ADARB2: variants seen among roughly 807,000 people sequenced by gnomAD.
ADARB2 encodes adenosine deaminase RNA specific B2 (inactive).
ADARB2 carries 25 observed loss-of-function variants against 62.2 expected under a neutral mutation model. That is an observed-to-expected ratio of 0.40 (90% CI 0.29 to 0.56). The LOEUF is 0.56. Ranked by LOEUF, ADARB2 falls within the 20% of genes least tolerant of loss-of-function variation. The pLI, the probability that ADARB2 is intolerant of heterozygous loss-of-function variation, is 0.43. For synonymous variants in ADARB2, 572 were observed against 500.8 expected (o/e 1.14, Z -1.90); for missense variants, 1,071 against 1,077.4 (o/e 0.99, Z 0.08).
intron 3 of ADARB2, among the ~76,000 whole-genome samples, chr10:1,358,421 G>C (rs543805591): frequency 6.6e-6 from 1 of 152,282 alleles, no homozygotes; most frequent in South Asian, 2.1e-4. Context: ...TTCTCCCAGG[G>C]ACTTCACAGA....
At chr10:1,507,754 G>T (rs1361370034) in intron 1 of ADARB2, among the ~76,000 whole-genome samples, 1 of 152,162 alleles carries the variant, frequency 6.6e-6, no homozygotes, top group African/African-American at 2.4e-5. Context: ...CCAGATAGCG[G>T]GTGTACAGTG....
At position 1,233,789 on chromosome 10, in the gene ADARB2, T is replaced by C. The variant is rs147477539; in HGVS notation, c.1418A>G (p.Tyr473Cys). The change falls in exon 6 of 10, where the codon TAC (tyrosine) becomes TGC (cysteine). Residue 473 changes from tyrosine (Y) to cysteine (C), a missense_variant. Coordinates refer to ENST00000381312, the MANE Select transcript of ADARB2 (RefSeq NM_018702.4). ...GAAGAGGATGTTCTCTCGCAGCCGG[T>C]AGCCACCTTCTTTTAACCGCACGAA... ...SIFVRLKEGGYRLRENILFHL... is the reference protein window; with the variant it reads ...SIFVRLKEGGCRLRENILFHL... The C allele has an allele frequency of 6.2e-7, 1 of 1,613,998 alleles. No homozygotes were observed. Among genetic ancestry groups the C allele is most frequent in the Non-Finnish European group, 8.5e-7 (1 of 1,179,988 alleles).
At chr10:1,636,097 C>T (rs772596043) in intron 1 of ADARB2, among the ~76,000 whole-genome samples, 2 of 152,084 alleles carry the variant, frequency 1.3e-5, no homozygotes, top group Non-Finnish European at 2.9e-5. Context: ...GACTTTATAC[C>T]GGGAACTGGT....
intron 1 of ADARB2, among the ~76,000 whole-genome samples, chr10:1,489,834 T>C (rs1831597776): frequency 8.2e-6 from 1 of 121,684 alleles, no homozygotes; most frequent in Non-Finnish European, 1.8e-5. Context: ...GATCAAACAC[T>C]CTTGGGTGTC....
chr10:1,473,873 G>C (rs1407831817), intron 1 of ADARB2, among the ~76,000 whole-genome samples: 1 of 152,254 alleles, frequency 6.6e-6, no homozygotes, highest in Non-Finnish European at 1.5e-5. Context: ...ACAAACCTTT[G>C]TGGTGGGGAC....
intron 1 of ADARB2, among the ~76,000 whole-genome samples, chr10:1,626,364 G>C (rs60950370): frequency 9.2e-6 from 1 of 108,720 alleles, no homozygotes; most frequent in Non-Finnish European, 1.9e-5. Flanking sequence ...ACTGGACCTC[G>C]GATGCTAACC....
intron 3 of ADARB2, among the ~76,000 whole-genome samples, chr10:1,336,453 A>G (rs1467066979): frequency 6.6e-6 from 1 of 152,218 alleles, no homozygotes; most frequent in Non-Finnish European, 1.5e-5. Flanking sequence ...CTTCTGAAGC[A>G]TCATGGGAAA....
rs375129702 is a variant in ADARB2 at position 1,234,656 on chromosome 10, G to A, written c.1362-811C>T. ...AGGGTCTTGCTTTGTTGCCCCGAGT[G>A]GTCTGGAACTTCTGAGCTCAAGCGA... On this transcript the variant is annotated intron_variant, in intron 5 of 9. Transcript: ENST00000381312. 1.6e-3 allele frequency among the ~76,000 whole-genome samples: 236 copies of A among 149,824 alleles called. 3 individuals are homozygous for A. The South Asian group carries it at 0.018, about 12-fold the overall frequency.
chr10:1,250,665 G>A (rs1355928269), intron 4 of ADARB2, among the ~76,000 whole-genome samples: 3 of 152,156 alleles, frequency 2.0e-5, no homozygotes, highest in Non-Finnish European at 1.5e-5. Context: ...GCAGAAGCAT[G>A]AGCTAGATAA....
At chr10:1,266,167 A>G (rs571506955) in intron 4 of ADARB2, among the ~76,000 whole-genome samples, 3 of 152,232 alleles carry the variant, frequency 2.0e-5, no homozygotes, top group Admixed American at 6.5e-5. Context: ...CTCTGAGAAG[A>G]TGGCGTGTGG....
intron 5 of ADARB2, among the ~76,000 whole-genome samples, chr10:1,239,865 T>C (rs111164678): frequency 3.7e-3 from 42 of 11,308 alleles, no homozygotes; most frequent in Admixed American, 5.0e-3. Context: ...TTTACTCCCC[T>C]CTCCCTCCCG....
intron 3 of ADARB2, among the ~76,000 whole-genome samples, chr10:1,284,272 CTGTG>C (rs1219257783): frequency 6.6e-6 from 1 of 152,096 alleles, no homozygotes; most frequent in Non-Finnish European, 1.5e-5. Context: ...GGGTCTGCAG[CTGTG>C]TGAGGGGCCA....
At chr10:1,600,880 G>C (rs1218566317) in intron 1 of ADARB2, among the ~76,000 whole-genome samples, 1 of 152,112 alleles carries the variant, frequency 6.6e-6, no homozygotes, top group East Asian at 1.9e-4. Flanking sequence ...AGGTGCATGT[G>C]AAAATGGCAT....
At chr10:1,389,604 G>T (rs1052470949) in intron 1 of ADARB2, among the ~76,000 whole-genome samples, 2 of 151,996 alleles carry the variant, frequency 1.3e-5, no homozygotes, top group East Asian at 3.9e-4. Flanking sequence ...TTAGCTGGGT[G>T]TGGTGGTGGG....
chr10:1,385,361 G>A (rs1236462676), intron 1 of ADARB2, among the ~76,000 whole-genome samples: 1 of 152,136 alleles, frequency 6.6e-6, no homozygotes, highest in African/African-American at 2.4e-5. Context: ...ACATTAAATA[G>A]ATGTTAGAAA....
chr10:1,497,789 C>A (rs74121013), intron 1 of ADARB2, among the ~76,000 whole-genome samples: 2,332 of 152,192 alleles, frequency 0.015, 53 homozygotes, highest in African/African-American at 0.052. Flanking sequence ...CCTGAGATAT[C>A]TGCAGAAGTA....
chr10:1,389,640 G>C (rs889717893), intron 1 of ADARB2, among the ~76,000 whole-genome samples: 7 of 152,076 alleles, frequency 4.6e-5, no homozygotes, highest in African/African-American at 1.7e-4. Context: ...CTACTTGGGA[G>C]GCTAAGGTTC....
chr10:1,480,011 A>G (rs1444446960), intron 1 of ADARB2, among the ~76,000 whole-genome samples: 3 of 152,178 alleles, frequency 2.0e-5, no homozygotes, highest in Non-Finnish European at 4.4e-5. Context: ...AAAACTCAAC[A>G]AACTGGAAAT....
At chr10:1,510,973 C>T (rs1303297137) in intron 1 of ADARB2, among the ~76,000 whole-genome samples, 1 of 152,216 alleles carries the variant, frequency 6.6e-6, no homozygotes, top group Non-Finnish European at 1.5e-5. Flanking sequence ...CCACCTCAGC[C>T]TCCTGAGTAG....
Sources: allele counts gnomAD v4.1 joint callset (sites outside exome capture counted in the v4.1 genomes callset), GRCh38; gene constraint gnomAD v4.1.1; transcripts MANE v1.5; gene names NCBI Gene and HGNC (gene_info 2026-07-23, HGNC 2026-07-21).